Variants in CNTN4 observed in about 807,000 individuals in gnomAD.
The protein encoded by CNTN4 is contactin 4.
Under a neutral mutation model 122.5 loss-of-function variants are expected in CNTN4, and 77 were observed. The ratio of observed to expected loss-of-function variants is 0.63; its 90% CI spans 0.52 to 0.76. The LOEUF (loss-of-function observed/expected upper bound fraction) is 0.76. Ranked by LOEUF, CNTN4 falls within the 30% of genes least tolerant of loss-of-function variation. The pLI is 0.00. For missense variants in CNTN4, 1,256 were observed against 1,259.1 expected (o/e 1.00, Z 0.04); for synonymous variants, 512 against 447.0 (o/e 1.15, Z -1.83).
intron 2 of CNTN4, among the ~76,000 whole-genome samples, chr3:2,273,726 T>C (rs1294241924): frequency 3.9e-5 from 6 of 152,192 alleles, no homozygotes; most frequent in Non-Finnish European, 8.8e-5. Context: ...AGTACTAATA[T>C]ATGTTGAACC....
chr3:3,042,822 C>G, intron 21 of CNTN4, 155 bp from the exon 22 acceptor site: 1 of 670,078 alleles, frequency 1.5e-6, no homozygotes, highest in Non-Finnish European at 2.6e-6. Flanking sequence ...GATAATTTCT[C>G]AGGATATACA....
chr3:2,777,989 C>T (rs181565326), intron 6 of CNTN4, among the ~76,000 whole-genome samples: 5,958 of 151,816 alleles, frequency 0.039, 169 homozygotes, highest in Middle Eastern at 0.092. Flanking sequence ...CCGAGGTGGG[C>T]GGATCATGAG....
intron 2 of CNTN4, among the ~76,000 whole-genome samples, chr3:2,135,383 T>C (rs2034641274): frequency 6.6e-6 from 1 of 152,212 alleles, no homozygotes; most frequent in Non-Finnish European, 1.5e-5. Context: ...GTAGGGCCAA[T>C]TTAACATCAG....
At chr3:2,649,290 G>T (rs960426775) in intron 4 of CNTN4, among the ~76,000 whole-genome samples, 4 of 152,214 alleles carry the variant, frequency 2.6e-5, no homozygotes, top group Admixed American at 2.0e-4. Flanking sequence ...CCAGGACTTT[G>T]ATAAGTAGAG....
intron 7 of CNTN4, among the ~76,000 whole-genome samples, chr3:2,848,016 C>T (rs1048671111): frequency 1.3e-5 from 2 of 152,080 alleles, no homozygotes; most frequent in East Asian, 3.9e-4. Flanking sequence ...CCCAACACTT[C>T]GGGAGGCTGA....
intron 3 of CNTN4, among the ~76,000 whole-genome samples, chr3:2,532,295 C>G (rs888733702): frequency 1.1e-4 from 16 of 152,108 alleles, no homozygotes; most frequent in African/African-American, 3.6e-4. Context: ...CCCTGTCACC[C>G]TGGGCTGGAC....
rs561993672 is a variant in CNTN4, at chr3:2,559,261, C to A, written c.-88-12155C>A. Among the ~76,000 whole-genome samples the A allele has an allele frequency of 2.5e-4, 38 of 152,198 alleles. 1 individual carries two copies. In the South Asian group the frequency reaches 5.8e-3, roughly 23 times the overall value. On this transcript the variant is annotated intron_variant, in intron 3 of 24. Transcript: ENST00000418658. ...AGTTTGTATCTGATAATGAAGTACC[C>A]CACCATTGCAGAGAATGGCAAACTT... is the stretch of plus-strand genomic sequence containing the variant.
chr3:2,709,250 T>C lies in CNTN4; in HGVS notation c.56-26965T>C, dbSNP rs2086955083. Among the ~76,000 whole-genome samples, 1 of 152,190 alleles carries C rather than the reference T, an allele frequency of 6.6e-6. No homozygotes were observed. The highest frequency in any genetic ancestry group is 1.5e-5 in the Non-Finnish European group (1 of 68,036). ...TAGAATAAAGAATGTATTTATAGTTTTGTTTTGTTTTTAAATCTTGAAAGA... is the reference window on the plus strand; with the variant it reads ...TAGAATAAAGAATGTATTTATAGTTCTGTTTTGTTTTTAAATCTTGAAAGA... On this transcript the variant is annotated intron_variant, in intron 4 of 24. Coordinates refer to ENST00000418658, the MANE Select transcript of CNTN4 (RefSeq NM_175607.3). The surrounding 1 kb of genome is among the most constrained non-coding windows in gnomAD (Gnocchi z 5.0).
intron 3 of CNTN4, among the ~76,000 whole-genome samples, chr3:2,344,357 C>T (rs1394628750): frequency 6.6e-6 from 1 of 150,974 alleles, no homozygotes; most frequent in African/African-American, 2.4e-5. Flanking sequence ...CTCACTGCAA[C>T]CTCTACCTCC....
intron 4 of CNTN4, among the ~76,000 whole-genome samples, chr3:2,608,271 T>A (rs531734797): frequency 6.6e-6 from 1 of 152,182 alleles, no homozygotes; most frequent in African/African-American, 2.4e-5. Context: ...AGTCCACTTA[T>A]ATGAACAACT....
At chr3:2,696,699 G>A (rs540464317) in intron 4 of CNTN4, among the ~76,000 whole-genome samples, 2 of 152,288 alleles carry the variant, frequency 1.3e-5, no homozygotes, top group South Asian at 4.1e-4. Context: ...TCAATGTCAA[G>A]TTTCTTCCAG....
intron 3 of CNTN4, among the ~76,000 whole-genome samples, chr3:2,401,038 T>C (rs2046838608): frequency 2.0e-5 from 3 of 152,126 alleles, no homozygotes; most frequent in African/African-American, 4.8e-5. Context: ...TGCTCTGATT[T>C]CCACCTTTCA....
intron 3 of CNTN4, among the ~76,000 whole-genome samples, chr3:2,350,599 G>T (rs1024234355): frequency 6.6e-6 from 1 of 151,970 alleles, no homozygotes; most frequent in Non-Finnish European, 1.5e-5. Flanking sequence ...TCTAGGAGTG[G>T]TTCTTTTTTC....
At chr3:2,960,225 A>G (rs1009078434) in intron 13 of CNTN4, among the ~76,000 whole-genome samples, 6 of 152,208 alleles carry the variant, frequency 3.9e-5, no homozygotes, top group African/African-American at 9.6e-5. Flanking sequence ...CAAGGTGTAC[A>G]GTTGTCACTT....
chr3:2,120,207 G>C (rs2033630596), intron 2 of CNTN4, among the ~76,000 whole-genome samples: 1 of 151,374 alleles, frequency 6.6e-6, no homozygotes, highest in African/African-American at 2.4e-5. Flanking sequence ...TCATATAGGA[G>C]AAATAACACT....
chr3:2,225,608 A>G (rs1031996948), intron 2 of CNTN4, among the ~76,000 whole-genome samples: 1 of 152,170 alleles, frequency 6.6e-6, no homozygotes, highest in Non-Finnish European at 1.5e-5. Context: ...GAACAATACT[A>G]TCTCACGACT....
At position 2,931,186 on chromosome 3, in the gene CNTN4, G is replaced by A. The variant is rs532689432; in HGVS notation, c.1358+5407G>A. On this transcript the variant is annotated intron_variant, in intron 13 of 24. Coordinates refer to ENST00000418658, the MANE Select transcript of CNTN4 (RefSeq NM_175607.3). ...CAGTCTAGGAAGAAAATCACAACAC[G>A]TGGATCACATCAGTCTCCTGAGAGT... Among the ~76,000 whole-genome samples, 8 of 152,298 alleles carry A rather than the reference G, an allele frequency of 5.3e-5. No homozygotes were observed. The East Asian group carries it at 7.7e-4, about 15-fold the overall frequency.
intron 7 of CNTN4, among the ~76,000 whole-genome samples, chr3:2,848,685 A>G (rs578138942): frequency 1.3e-5 from 2 of 152,356 alleles, no homozygotes; most frequent in South Asian, 2.1e-4. Flanking sequence ...GCTTTTCACA[A>G]GCTGCCTCTC....
intron 3 of CNTN4, among the ~76,000 whole-genome samples, chr3:2,567,850 T>C (rs959312069): frequency 3.3e-5 from 5 of 152,160 alleles, no homozygotes; most frequent in African/African-American, 1.2e-4. Flanking sequence ...TTCTTGAAAC[T>C]CCTGCCCTAC....
Sources: allele counts gnomAD v4.1 joint callset (sites outside exome capture counted in the v4.1 genomes callset), GRCh38; gene constraint gnomAD v4.1.1; non-coding constraint Gnocchi (gnomAD v3.1); transcripts MANE v1.5; gene names NCBI Gene and HGNC (gene_info 2026-07-23, HGNC 2026-07-21).